Variants in RNF4 observed in about 807,000 individuals in gnomAD.
RNF4 encodes ring finger protein 4.
Under a neutral mutation model 24.3 loss-of-function variants are expected in RNF4, and 7 were observed. The ratio of observed to expected loss-of-function variants is 0.29; its 90% CI spans 0.16 to 0.54. The LOEUF (loss-of-function observed/expected upper bound fraction) is 0.54. Ranked by LOEUF, RNF4 falls within the 20% of genes least tolerant of loss-of-function variation. The pLI is 0.95. For synonymous variants in RNF4, 83 were observed against 84.3 expected (o/e 0.98, Z 0.09); for missense variants, 209 against 248.5 (o/e 0.84, Z 1.07).
chr4:2,513,062 C>T (rs766120500), intron 6 of RNF4, 21 bp from the exon 7 acceptor site: 15 of 1,612,576 alleles, frequency 9.3e-6, no homozygotes, highest in Admixed American at 1.7e-5. Flanking sequence ...GAGAAACTAA[C>T]GTGAAGCACT....
intron 1 of RNF4, among the ~76,000 whole-genome samples, chr4:2,472,781 C>T (rs1191432061): frequency 1.3e-5 from 2 of 152,152 alleles, no homozygotes; most frequent in African/African-American, 4.8e-5. Context: ...GTGGCTCACC[C>T]GTGTAATCCC....
At chr4:2,509,469 C>T (rs532903215) in intron 4 of RNF4, among the ~76,000 whole-genome samples, 58 of 152,280 alleles carry the variant, frequency 3.8e-4, no homozygotes, top group African/African-American at 1.3e-3. Flanking sequence ...CCGCCCATCT[C>T]GGCCTCCCAA....
intron 4 of RNF4, among the ~76,000 whole-genome samples, chr4:2,504,642 C>T (rs985510482): frequency 1.3e-5 from 2 of 151,154 alleles, no homozygotes; most frequent in African/African-American, 4.9e-5. Context: ...GCTCTGCCTC[C>T]TGGGTTCACG....
chr4:2,509,657 A>C (rs1578526181), intron 4 of RNF4, among the ~76,000 whole-genome samples: 1 of 152,060 alleles, frequency 6.6e-6, no homozygotes, highest in African/African-American at 2.4e-5. Context: ...TGTGTGTATC[A>C]CCTGCTGCTT....
intron 1 of RNF4, among the ~76,000 whole-genome samples, chr4:2,484,073 C>CCCCCT (rs1411482841): frequency 1.7e-5 from 1 of 57,340 alleles, no homozygotes; most frequent in African/African-American, 6.1e-5. Flanking sequence ...GTGATCCCCC[C>CCCCCT]CCGCCTCGGC....
chr4:2,503,634 CAT>C, intron 4 of RNF4, among the ~76,000 whole-genome samples: 1 of 152,276 alleles, frequency 6.6e-6, no homozygotes, highest in Admixed American at 6.5e-5. Context: ...TACACTGAGA[CAT>C]ATACTTGAGT....
chr4:2,480,660 TAA>T (rs1735219710), intron 1 of RNF4: 1 of 152,162 alleles, frequency 6.6e-6, no homozygotes, highest in Non-Finnish European at 1.5e-5. Flanking sequence ...AAGTATTTGA[TAA>T]GTTATGTTTC....
Position 2,512,584 on chromosome 4 carries a change from G to A in RNF4, c.361G>A (p.Ala121Thr), listed in dbSNP as rs201229382. 9.3e-6 allele frequency: 15 copies of A among 1,613,628 alleles called. No individual in the cohort carries two copies. The highest frequency in any genetic ancestry group is 3.3e-5 in the South Asian group (3 of 91,062). Reference protein sequence around the residue: ...HTPRNARDEGATGLRPSGTVS... With the variant: ...HTPRNARDEGTTGLRPSGTVS... ...TCCCAGAAACGCCAGGGATGAGGGC[G>A]CTACAGGCCTCAGGTACCAACGTGC... is the stretch of plus-strand genomic sequence containing the variant. The change falls in exon 6 of 8, where the codon GCT becomes ACT. Residue 121 changes from alanine to threonine, a missense_variant. Physicochemically the swap from Ala to Thr is moderately conservative, Grantham distance 58. This residue lies in a region of RNF4 where 182 missense variants were observed against 197.2 expected (regional missense o/e 0.92). Coordinates refer to ENST00000314289, the MANE Select transcript of RNF4 (RefSeq NM_002938.5). This position sits in a 1 kb window ranked among gnomAD's most constrained non-coding sequence, Gnocchi z 4.1.
intron 3 of RNF4, among the ~76,000 whole-genome samples, chr4:2,499,101 G>A (rs1226623314): frequency 6.6e-6 from 1 of 151,768 alleles, no homozygotes; most frequent in Non-Finnish European, 1.5e-5. Flanking sequence ...GGAGGTTGAT[G>A]CAGGAGAATC....
At position 2,495,552 on chromosome 4, in the gene RNF4, A is replaced by G. The variant is rs553196592; in HGVS notation, c.10-1455A>G. On this transcript the variant is annotated intron_variant, in intron 2 of 7. Coordinates refer to ENST00000314289, the MANE Select transcript of RNF4 (RefSeq NM_002938.5). ...TGTCCCAGGTTGTCCAGTGCAAAGG[A>G]TAGCAGGACAGGGCACAGGGAGAAG... Among the ~76,000 whole-genome samples the G allele has an allele frequency of 2.0e-4, 31 of 151,462 alleles. No homozygotes were observed. The South Asian group carries it at 6.3e-3, about 31-fold the overall frequency.
intron 1 of RNF4, among the ~76,000 whole-genome samples, chr4:2,487,841 G>A (rs1735457619): frequency 6.6e-6 from 1 of 152,178 alleles, no homozygotes; most frequent in South Asian, 2.1e-4. Context: ...AAACCATTGA[G>A]GTCAAGCTAG....
At chr4:2,469,370 T>C (rs1027522929) in intron 1 of RNF4, 112 bp downstream of exon 1, 1 of 152,148 alleles carries the variant, frequency 6.6e-6, no homozygotes. Context: ...GCCGAGGCTT[T>C]GCAGCCCGGG....
At chr4:2,488,082 G>A (rs1197901132) in intron 1 of RNF4, among the ~76,000 whole-genome samples, 2 of 152,212 alleles carry the variant, frequency 1.3e-5, no homozygotes, top group Non-Finnish European at 2.9e-5. Flanking sequence ...CCTAGATTCT[G>A]CACAGAGGCT....
At chr4:2,482,836 C>G in intron 1 of RNF4, among the ~76,000 whole-genome samples, 1 of 137,710 alleles carries the variant, frequency 7.3e-6, no homozygotes, top group East Asian at 2.2e-4. Flanking sequence ...ATAAATAACT[C>G]TGGGTGAGAA....
At chr4:2,503,265 G>A (rs1735971846) in intron 4 of RNF4, among the ~76,000 whole-genome samples, 2 of 152,142 alleles carry the variant, frequency 1.3e-5, no homozygotes, top group Admixed American at 1.3e-4. Flanking sequence ...CTGGGCTAGG[G>A]CTCCATGTTG....
intron 1 of RNF4, among the ~76,000 whole-genome samples, chr4:2,475,893 T>C (rs1560399033): frequency 6.6e-6 from 1 of 152,204 alleles, no homozygotes; most frequent in African/African-American, 2.4e-5. Flanking sequence ...ACCCCACCCC[T>C]GACTCCTACC....
chr4:2,487,084 C>T (rs577996205), intron 1 of RNF4, among the ~76,000 whole-genome samples: 1 of 152,262 alleles, frequency 6.6e-6, no homozygotes, highest in Non-Finnish European at 1.5e-5. Flanking sequence ...AGCCTCTTCC[C>T]TGAATGTCTG....
intron 3 of RNF4, among the ~76,000 whole-genome samples, chr4:2,498,781 T>C (rs1486935135): frequency 6.6e-6 from 1 of 151,938 alleles, no homozygotes; most frequent in Non-Finnish European, 1.5e-5. Context: ...ATTAGCCAAG[T>C]GTGGGAGGCT....
chr4:2,483,039 A>G (rs1735290287), intron 1 of RNF4, among the ~76,000 whole-genome samples: 1 of 152,188 alleles, frequency 6.6e-6, no homozygotes, highest in African/African-American at 2.4e-5. Flanking sequence ...AATAGCACTC[A>G]TACCTGTAAG....
Sources: gnomAD v4.1 joint callset for allele counts (sites outside exome capture counted in the v4.1 genomes callset) on GRCh38, gnomAD v4.1.1 for gene constraint, gnomAD v4.1.1 regional missense constraint, Gnocchi (gnomAD v3.1) non-coding constraint, MANE v1.5 for transcripts, NCBI Gene and HGNC (gene_info 2026-07-23, HGNC 2026-07-21) for gene names.